The following GPC5 variants were observed in gnomAD, a reference collection of about 807,000 sequenced individuals.
The protein encoded by GPC5 is glypican-5.
GPC5 carries 47 observed loss-of-function variants against 53.9 expected under a neutral mutation model. The observed-to-expected ratio is 0.87, with a 90% confidence interval of 0.69 to 1.11. The LOEUF is 1.11. Ranked by LOEUF, GPC5 falls within the 50% of genes most tolerant of loss-of-function variation. The probability of loss-of-function intolerance (pLI) is 0.00; values close to 1 mark genes in which losing one functional copy is unlikely to be tolerated. For missense variants in GPC5, 748 were observed against 713.1 expected, an observed-to-expected ratio of 1.05 and a Z score of -0.56; for synonymous variants, 286 against 263.3, an observed-to-expected ratio of 1.09 and a Z score of -0.84.
intron 7 of GPC5, among the ~76,000 whole-genome samples, chr13:92,700,311 C>T (rs1474987754): frequency 6.9e-6 from 1 of 145,288 alleles, no homozygotes; most frequent in Non-Finnish European, 1.5e-5. Context: ...TCCTCCATCC[C>T]TTTATTTTGA....
chr13:92,334,823 C>T (rs188607897), intron 7 of GPC5, among the ~76,000 whole-genome samples: 6 of 152,254 alleles, frequency 3.9e-5, no homozygotes, highest in South Asian at 4.1e-4. Context: ...CATTTGACTC[C>T]GTGTCTCACA....
intron 6 of GPC5, among the ~76,000 whole-genome samples, chr13:92,052,440 G>T (rs764513591): frequency 6.6e-6 from 1 of 152,158 alleles, no homozygotes; most frequent in Non-Finnish European, 1.5e-5. Flanking sequence ...GAACCCGAGC[G>T]GGTTGCTGCC....
chr13:92,500,666 T>C (rs1880151113), intron 7 of GPC5, among the ~76,000 whole-genome samples: 1 of 152,138 alleles, frequency 6.6e-6, no homozygotes, highest in Admixed American at 6.5e-5. Context: ...GTAGCAGTAG[T>C]AGCAGCAGCA....
At position 91,755,027 on chromosome 13, in the gene GPC5, T is replaced by C. The variant is rs374766455; in HGVS notation, c.1155-1268T>C. Among the ~76,000 whole-genome samples, 3 of 152,236 alleles carry C rather than the reference T, an allele frequency of 2.0e-5. No individual in the cohort carries two copies. The East Asian group carries it at 5.8e-4, about 29-fold the overall frequency. ...ACATATTTGAAAGTAATATTTATCTTTTTTACAAATCAACTCCAGCAATAT... is the reference window on the plus strand; with the variant it reads ...ACATATTTGAAAGTAATATTTATCTCTTTTACAAATCAACTCCAGCAATAT... On this transcript the variant is annotated intron_variant, in intron 4 of 7. Coordinates refer to ENST00000377067, the MANE Select transcript of GPC5 (RefSeq NM_004466.6).
At chr13:91,429,131 G>A (rs755494516) in intron 1 of GPC5, among the ~76,000 whole-genome samples, 24 of 152,166 alleles carry the variant, frequency 1.6e-4, no homozygotes, top group Non-Finnish European at 2.4e-4. Flanking sequence ...TGTTGGCCAG[G>A]CTGGTCTCAA....
chr13:91,877,229 G>T (rs2039213022), intron 5 of GPC5, among the ~76,000 whole-genome samples: 1 of 152,222 alleles, frequency 6.6e-6, no homozygotes, highest in African/African-American at 2.4e-5. Flanking sequence ...CCCTACTGGG[G>T]CACTGCCTAG....
Position 92,054,286 on chromosome 13 carries a change from A to T in GPC5, c.1402-90544A>T, listed in dbSNP as rs1047534581. Among the ~76,000 whole-genome samples, 3 of 151,986 alleles carry T rather than the reference A, an allele frequency of 2.0e-5. No homozygotes were observed. In the East Asian group the frequency reaches 5.8e-4, roughly 29 times the overall value. ...AAAGACATACTTTTGATTCTTCTAA[A>T]AAAAAGTTATATTCTTGTTTTTCAT... On this transcript the variant is annotated intron_variant, in intron 6 of 7. Coordinates refer to ENST00000377067, the MANE Select transcript of GPC5 (RefSeq NM_004466.6).
chr13:92,473,671 T>G (rs2139424585), intron 7 of GPC5, among the ~76,000 whole-genome samples: 1 of 152,288 alleles, frequency 6.6e-6, no homozygotes, highest in South Asian at 2.1e-4. Flanking sequence ...AAAACAGTTA[T>G]GTAAATTGTA....
intron 7 of GPC5, among the ~76,000 whole-genome samples, chr13:92,683,653 T>C (rs1234503104): frequency 2.0e-5 from 3 of 152,216 alleles, no homozygotes; most frequent in Non-Finnish European, 4.4e-5. Context: ...TCAGTGTTGT[T>C]ATTCAAACTA....
intron 6 of GPC5, among the ~76,000 whole-genome samples, chr13:92,132,144 T>C (rs2041749436): frequency 6.6e-6 from 1 of 152,062 alleles, no homozygotes; most frequent in Admixed American, 6.6e-5. Flanking sequence ...ATAAATTTCC[T>C]CAGGAAAAAA....
At chr13:91,399,415 G>A (rs1215368288) in intron 1 of GPC5, among the ~76,000 whole-genome samples, 3 of 152,150 alleles carry the variant, frequency 2.0e-5, no homozygotes, top group African/African-American at 7.2e-5. Context: ...AACCAAGCCT[G>A]CGACGAATCC....
chr13:92,820,776 A>G (rs959382718), intron 7 of GPC5, among the ~76,000 whole-genome samples: 1 of 152,144 alleles, frequency 6.6e-6, no homozygotes, highest in African/African-American at 2.4e-5. Context: ...GCTAGTAAAT[A>G]TCCTAAAATA....
At chr13:92,028,635 G>A (rs2040818610) in intron 6 of GPC5, among the ~76,000 whole-genome samples, 1 of 151,996 alleles carries the variant, frequency 6.6e-6, no homozygotes, top group African/African-American at 2.4e-5. Context: ...TTTTATGTTT[G>A]TATTTTGTTT....
chr13:92,552,684 G>A lies in GPC5; in HGVS notation c.1562-313598G>A, dbSNP rs117731684. Among the ~76,000 whole-genome samples, 1,280 of 151,934 alleles carry A rather than the reference G, an allele frequency of 8.4e-3. 8 individuals carry two copies. Among genetic ancestry groups the A allele is most frequent in the Admixed American group, 0.022 (342 of 15,200 alleles). On this transcript the variant is annotated intron_variant, in intron 7 of 7. Transcript: ENST00000377067. ...AGTGATCTCTCCATCCTGGACTCAC[G>A]TACTCAGTAGATTTCTTGGCTCTTT...
chr13:91,561,434 A>C (rs998090240), intron 2 of GPC5, among the ~76,000 whole-genome samples: 1 of 152,112 alleles, frequency 6.6e-6, no homozygotes, highest in Non-Finnish European at 1.5e-5. Context: ...CACTTCTATC[A>C]CACCTCATTT....
intron 2 of GPC5, among the ~76,000 whole-genome samples, chr13:91,459,197 A>C (rs954868133): frequency 6.6e-6 from 1 of 151,992 alleles, no homozygotes; most frequent in Admixed American, 6.6e-5. Flanking sequence ...CCTGTACCCC[A>C]AAAACCTATT....
chr13:92,466,741 G>A (rs1379652659), intron 7 of GPC5, among the ~76,000 whole-genome samples: 1 of 152,082 alleles, frequency 6.6e-6, no homozygotes, highest in Non-Finnish European at 1.5e-5. Context: ...TGAGGTTTAA[G>A]CAGTTGTTGG....
intron 6 of GPC5, among the ~76,000 whole-genome samples, chr13:91,969,144 T>C (rs1262859695): frequency 6.6e-6 from 1 of 151,958 alleles, no homozygotes; most frequent in East Asian, 1.9e-4. Context: ...AATTTTTGTA[T>C]TTTTAGTAGA....
At chr13:92,346,152 A>G (rs2043410157) in intron 7 of GPC5, among the ~76,000 whole-genome samples, 1 of 152,094 alleles carries the variant, frequency 6.6e-6, no homozygotes, top group South Asian at 2.1e-4. Context: ...CACTCAGCCA[A>G]AAGCTCACCA....
Sources: allele counts gnomAD v4.1 joint callset (sites outside exome capture counted in the v4.1 genomes callset), GRCh38; gene constraint gnomAD v4.1.1; transcripts MANE v1.5; gene names NCBI Gene and HGNC (gene_info 2026-07-23, HGNC 2026-07-21).